The following CEMIP variants were observed in gnomAD, a reference collection of about 807,000 sequenced individuals.
CEMIP encodes cell migration inducing hyaluronidase 1.
A neutral mutation model predicts 156.9 loss-of-function variants in CEMIP; 105 were observed. That is an observed-to-expected ratio of 0.67 (90% CI 0.57 to 0.79). The LOEUF is 0.79. Among genes scored for constraint, CEMIP ranks in the 30% least tolerant of loss-of-function variants. CEMIP has a pLI of 0.00. For synonymous variants in CEMIP, 676 were observed against 668.4 expected (o/e 1.01, Z -0.17); for missense variants, 1,457 against 1,769.4 (o/e 0.82, Z 3.17).
rs780538408 is a variant in CEMIP, at chr15:80,879,804, G to A, written c.330G>A (p.Gly110=). 3 of 1,614,208 alleles carry A rather than the reference G, an allele frequency of 1.9e-6. No individual in the cohort carries two copies. Among genetic ancestry groups the A allele is most frequent in the Non-Finnish European group, 2.5e-6 (3 of 1,180,036 alleles). Residue 110 remains glycine (G), a synonymous_variant, in exon 5 of 30, where the codon GGG becomes GGA. Coordinates refer to ENST00000394685, the MANE Select transcript of CEMIP (RefSeq NM_001293298.2). ...ACAACGGAGGAGAGCTGCATGCTGG[G>A]AGTGCCCTCTGCCCTTTCCAGGGCA... is the stretch of plus-strand genomic sequence containing the variant. ...LIDNGGELHA[G]SALCPFQGNF...
In CEMIP at chr15:80,843,085, T is replaced by A. The variant is rs184076112; in HGVS notation, c.-175-30453T>A. ...CTGGTGGGACAACCAGGTAGAACCA[T>A]CCCATAAATGATAACAGTGAACTCA... On this transcript the variant is annotated intron_variant, in intron 1 of 29. Transcript: ENST00000394685. Among the ~76,000 whole-genome samples the A allele has an allele frequency of 3.3e-5, 5 of 152,278 alleles. No individual in the cohort carries two copies. The East Asian group carries it at 7.7e-4, about 24-fold the overall frequency.
chr15:80,832,208 A>T (rs961973518), intron 1 of CEMIP, among the ~76,000 whole-genome samples: 1 of 152,160 alleles, frequency 6.6e-6, no homozygotes. Context: ...AGTGGGTGTG[A>T]ATTTATATTG....
chr15:80,948,400 A>G, intron 29 of CEMIP: 1 of 330,326 alleles, frequency 3.0e-6, no homozygotes, highest in East Asian at 7.5e-5. Context: ...TTGTAGATCA[A>G]TGCCATCATT....
chr15:80,827,578 C>A (rs1897065711), intron 1 of CEMIP, among the ~76,000 whole-genome samples: 1 of 152,156 alleles, frequency 6.6e-6, no homozygotes, highest in South Asian at 2.1e-4. Context: ...GAGATCACAC[C>A]ACTGTACTCC....
intron 19 of CEMIP, among the ~76,000 whole-genome samples, chr15:80,926,822 G>A (rs542795427): frequency 7.9e-6 from 1 of 126,058 alleles, no homozygotes; most frequent in Non-Finnish European, 1.6e-5. Context: ...GAGCGGGTGG[G>A]GGGGGGGGGT....
At chr15:80,940,601 TA>T (rs1363055000) in intron 25 of CEMIP, among the ~76,000 whole-genome samples, 1 of 152,224 alleles carries the variant, frequency 6.6e-6, no homozygotes, top group African/African-American at 2.4e-5. Context: ...GAGGCCTCTG[TA>T]ACAGTCAGTT....
intron 14 of CEMIP, among the ~76,000 whole-genome samples, chr15:80,910,575 C>A (rs143210269): frequency 6.6e-6 from 1 of 152,198 alleles, no homozygotes; most frequent in Non-Finnish European, 1.5e-5. Context: ...GTTTTAAATG[C>A]TCTGATTTAA....
chr15:80,809,752 A>G (rs1896612077), intron 1 of CEMIP, among the ~76,000 whole-genome samples: 1 of 152,202 alleles, frequency 6.6e-6, no homozygotes, highest in Admixed American at 6.5e-5. Flanking sequence ...GGTAGGACTG[A>G]AGTCCATTTC....
chr15:80,830,849 C>T (rs1897141476), intron 1 of CEMIP, among the ~76,000 whole-genome samples: 1 of 152,066 alleles, frequency 6.6e-6, no homozygotes, highest in Admixed American at 6.6e-5. Context: ...TGACTAGGCA[C>T]ATCTGTTAAC....
intron 1 of CEMIP, among the ~76,000 whole-genome samples, chr15:80,833,428 A>G (rs891103122): frequency 1.3e-5 from 2 of 152,174 alleles, no homozygotes; most frequent in African/African-American, 4.8e-5. Context: ...AGGAATTCTC[A>G]TTTTTGAAAC....
chr15:80,938,816 T>C (rs1901234559), intron 25 of CEMIP, among the ~76,000 whole-genome samples: 1 of 152,164 alleles, frequency 6.6e-6, no homozygotes, highest in African/African-American at 2.4e-5. Flanking sequence ...TTTCGTCTAA[T>C]GTCTTAAGAA....
Position 80,906,697 on chromosome 15 carries a change from A to G in CEMIP, c.1446A>G (p.Ile482Met). The change falls in exon 13 of 30, where the codon ATA becomes ATG. Residue 482 changes from isoleucine to methionine, a missense_variant. Around this residue, in one of 5 missense-constraint regions of CEMIP, gnomAD observed 280 missense variants for 300.3 expected, o/e 0.93. Transcript: ENST00000394685. The surrounding 1 kb of genome is among the most constrained non-coding windows in gnomAD (Gnocchi z 4.3). Reference protein sequence around the residue: ...KPMYLHIGEEIDGVDMRAEVG... With the variant: ...KPMYLHIGEEMDGVDMRAEVG... Reference sequence around the variant, plus strand: ...TGTACCTGCACATCGGGGAGGAGATAGACGGCGTGGACATGCGGGCGGAGG... The same window carrying G: ...TGTACCTGCACATCGGGGAGGAGATGGACGGCGTGGACATGCGGGCGGAGG... 6.2e-7 allele frequency: 1 copy of G among 1,614,160 alleles called. No homozygotes were observed. The highest frequency in any genetic ancestry group is 8.5e-7 in the Non-Finnish European group (1 of 1,180,008).
In CEMIP at chr15:80,793,475, G is replaced by A. The variant is rs904205864; in HGVS notation, c.-176+13861G>A. Among the ~76,000 whole-genome samples, 11 of 152,292 alleles carry A rather than the reference G, an allele frequency of 7.2e-5. No homozygotes were observed. In the South Asian group the frequency reaches 1.4e-3, roughly 20 times the overall value. On this transcript the variant is annotated intron_variant, in intron 1 of 29. Coordinates refer to ENST00000394685, the MANE Select transcript of CEMIP (RefSeq NM_001293298.2). ...GTGGAACTCTGGTTATCACAGCTGG[G>A]TTTCCCACAGGTAGGGTTACCCACA... is the stretch of plus-strand genomic sequence containing the variant.
At chr15:80,935,961 C>T (rs1901105873) in intron 23 of CEMIP, among the ~76,000 whole-genome samples, 1 of 152,208 alleles carries the variant, frequency 6.6e-6, no homozygotes, top group African/African-American at 2.4e-5. Flanking sequence ...TGGTCTCGAA[C>T]TCCCAACCTC....
chr15:80,880,796 G>T, intron 5 of CEMIP, 104 bp from the exon 6 acceptor site: 1 of 898,996 alleles, frequency 1.1e-6, no homozygotes, highest in South Asian at 1.3e-5. Flanking sequence ...GGTGGCCGTG[G>T]TGGGGGGTCA....
At position 80,878,859 on chromosome 15, in the gene CEMIP, C is replaced by CA; in HGVS notation, c.234dup (p.Glu79ArgfsTer8). 1 of 1,614,198 alleles carries CA rather than the reference C, an allele frequency of 6.2e-7. No individual in the cohort carries two copies. Among genetic ancestry groups the CA allele is most frequent in the Non-Finnish European group, 8.5e-7 (1 of 1,180,036 alleles). ...GCCACGGTCTATTCCATCCACATCT[C>CA]AGAGGGAGGTAAGCCAATCTCTCTC... On this transcript the variant is annotated frameshift_variant, in exon 4 of 30. Coordinates refer to ENST00000394685, the MANE Select transcript of CEMIP (RefSeq NM_001293298.2). LOFTEE classifies it high-confidence loss of function.
At chr15:80,911,075 T>C (rs1327632241) in intron 14 of CEMIP, among the ~76,000 whole-genome samples, 2 of 152,316 alleles carry the variant, frequency 1.3e-5, no homozygotes, top group Admixed American at 1.3e-4. Flanking sequence ...TACTGCTCTG[T>C]GCTTCTGTAA....
At chr15:80,812,042 C>G (rs1374158675) in intron 1 of CEMIP, among the ~76,000 whole-genome samples, 1 of 152,212 alleles carries the variant, frequency 6.6e-6, no homozygotes, top group East Asian at 1.9e-4. Flanking sequence ...GTATGTTGCC[C>G]AGGCTGGAGG....
At chr15:80,831,017 C>T (rs952780854) in intron 1 of CEMIP, among the ~76,000 whole-genome samples, 5 of 152,122 alleles carry the variant, frequency 3.3e-5, no homozygotes, top group South Asian at 2.1e-4. Context: ...CACATGTAGG[C>T]AGAAGTAAAT....
Sources: gnomAD v4.1 joint callset for allele counts (sites outside exome capture counted in the v4.1 genomes callset) on GRCh38, gnomAD v4.1.1 for gene constraint, gnomAD v4.1.1 regional missense constraint, Gnocchi (gnomAD v3.1) non-coding constraint, MANE v1.5 for transcripts, NCBI Gene and HGNC (gene_info 2026-07-23, HGNC 2026-07-21) for gene names.